The following TBC1D5 variants were observed in gnomAD, a reference collection of about 807,000 sequenced individuals.
TBC1D5 encodes the protein TBC1 domain family, member 5.
A neutral mutation model predicts 100.3 loss-of-function variants in TBC1D5; 75 were observed. That is an observed-to-expected ratio of 0.75 (90% CI 0.62 to 0.91). The LOEUF (loss-of-function observed/expected upper bound fraction) is 0.91, where lower values mean the gene tolerates loss of function less well. TBC1D5 is among the 40% of genes least tolerant of loss of function. The pLI is 0.00. For missense variants in TBC1D5, 910 were observed against 942.4 expected (o/e 0.97, Z 0.45); for synonymous variants, 323 against 325.6 (o/e 0.99, Z 0.09).
At chr3:17,411,415 C>T (rs1336194833) in intron 4 of TBC1D5, among the ~76,000 whole-genome samples, 1 of 152,048 alleles carries the variant, frequency 6.6e-6, no homozygotes, top group Non-Finnish European at 1.5e-5. Flanking sequence ...GGTATGTATA[C>T]ACATCTCAAA....
At chr3:17,337,769 C>T (rs1436046568) in intron 13 of TBC1D5, 2 of 152,148 alleles carry the variant, frequency 1.3e-5, no homozygotes, top group African/African-American at 4.8e-5. Context: ...AAATATTCCT[C>T]TACGCCATAT....
chr3:17,361,213 A>G (rs1242185424), intron 13 of TBC1D5, among the ~76,000 whole-genome samples: 1 of 152,058 alleles, frequency 6.6e-6, no homozygotes, highest in African/African-American at 2.4e-5. Flanking sequence ...CACGAAAGCA[A>G]AAGCTGAGTT....
intron 15 of TBC1D5, among the ~76,000 whole-genome samples, chr3:17,291,147 A>G (rs537986773): frequency 8.5e-5 from 13 of 152,348 alleles, no homozygotes; most frequent in Admixed American, 7.2e-4. Flanking sequence ...TTACCATCCA[A>G]TGCCTGGCAT....
intron 13 of TBC1D5, among the ~76,000 whole-genome samples, chr3:17,353,605 T>C (rs1205292387): frequency 6.6e-6 from 1 of 152,128 alleles, no homozygotes; most frequent in African/African-American, 2.4e-5. Context: ...TTTCTTATTA[T>C]CTTTTCCTTC....
intron 1 of TBC1D5, chr3:17,705,962 G>T: frequency 7.3e-7 from 1 of 1,370,924 alleles, no homozygotes; most frequent in Non-Finnish European, 9.8e-7. Context: ...CCCGGGCGGC[G>T]CTCCTCAGCA....
intron 2 of TBC1D5, among the ~76,000 whole-genome samples, chr3:17,530,792 G>A (rs1171127812): frequency 4.6e-5 from 7 of 152,104 alleles, no homozygotes; most frequent in Non-Finnish European, 1.0e-4. Flanking sequence ...AACCCTTCAT[G>A]CTAAAAACTC....
At chr3:17,522,715 C>T (rs960815405) in intron 2 of TBC1D5, among the ~76,000 whole-genome samples, 1 of 152,082 alleles carries the variant, frequency 6.6e-6, no homozygotes. Flanking sequence ...TATACACCTC[C>T]TTTTCCAATG....
At chr3:17,360,450 A>G (rs1435926526) in intron 13 of TBC1D5, among the ~76,000 whole-genome samples, 1 of 151,900 alleles carries the variant, frequency 6.6e-6, no homozygotes, top group Non-Finnish European at 1.5e-5. Context: ...AAGAAAGGAT[A>G]TTTACTACCT....
At chr3:17,459,161 T>C (rs2095152267) in intron 3 of TBC1D5, among the ~76,000 whole-genome samples, 2 of 152,226 alleles carry the variant, frequency 1.3e-5, no homozygotes, top group South Asian at 2.1e-4. Flanking sequence ...ATAAAGACTT[T>C]ATACCTTATT....
At chr3:17,736,381 G>A (rs1339721042) in intron 1 of TBC1D5, among the ~76,000 whole-genome samples, 1 of 152,086 alleles carries the variant, frequency 6.6e-6, no homozygotes, top group Non-Finnish European at 1.5e-5. Context: ...GAGAAATGAA[G>A]GTGGGTGAGG....
chr3:17,619,842 A>G (rs1339653938), intron 2 of TBC1D5, among the ~76,000 whole-genome samples: 1 of 152,230 alleles, frequency 6.6e-6, no homozygotes, highest in Non-Finnish European at 1.5e-5. Context: ...TATCCCTACA[A>G]AGAACTTCTA....
intron 14 of TBC1D5, among the ~76,000 whole-genome samples, chr3:17,293,693 T>C (rs1266862516): frequency 6.6e-6 from 1 of 152,210 alleles, no homozygotes; most frequent in African/African-American, 2.4e-5. Flanking sequence ...ACAGGCCCTA[T>C]GCTAGGGGAG....
chr3:17,469,804 T>C (rs2095352092), intron 3 of TBC1D5, among the ~76,000 whole-genome samples: 1 of 152,268 alleles, frequency 6.6e-6, no homozygotes, highest in Admixed American at 6.5e-5. Flanking sequence ...TATTCAGTTA[T>C]GTGGCCTAAT....
At chr3:17,529,222 C>G (rs2096182583) in intron 2 of TBC1D5, among the ~76,000 whole-genome samples, 1 of 152,206 alleles carries the variant, frequency 6.6e-6, no homozygotes, top group African/African-American at 2.4e-5. Context: ...TCAGTCGCTA[C>G]TGTCCCTGAG....
chr3:17,503,131 G>A (rs1323963184), intron 3 of TBC1D5, among the ~76,000 whole-genome samples: 1 of 149,532 alleles, frequency 6.7e-6, no homozygotes. Context: ...TTCATATAAG[G>A]GAGCTTCATC....
intron 3 of TBC1D5, chr3:17,465,348 C>A: frequency 5.4e-6 from 1 of 186,610 alleles, no homozygotes; most frequent in South Asian, 1.2e-4. Flanking sequence ...ACAAAGCTGT[C>A]TGGGCCAAAG....
chr3:17,377,198 T>C (rs1263743241), intron 9 of TBC1D5, among the ~76,000 whole-genome samples: 1 of 147,430 alleles, frequency 6.8e-6, no homozygotes, highest in African/African-American at 2.4e-5. Context: ...ACTACCGTAA[T>C]TTTTTCCTGT....
intron 21 of TBC1D5, among the ~76,000 whole-genome samples, chr3:17,161,546 G>C (rs1003909373): frequency 2.0e-5 from 3 of 152,252 alleles, no homozygotes; most frequent in Admixed American, 6.5e-5. Context: ...TGTCTGTGCT[G>C]CCAGGGAGAG....
At chr3:17,370,911 T>C (rs2092417281) in intron 13 of TBC1D5, among the ~76,000 whole-genome samples, 1 of 152,158 alleles carries the variant, frequency 6.6e-6, no homozygotes, top group South Asian at 2.1e-4. Flanking sequence ...AAGCTTTACA[T>C]AAAGTATCTA....
Sources: gnomAD v4.1 joint callset for allele counts (sites outside exome capture counted in the v4.1 genomes callset) on GRCh38, gnomAD v4.1.1 for gene constraint, MANE v1.5 for transcripts, NCBI Gene and HGNC (gene_info 2026-07-23, HGNC 2026-07-21) for gene names.